The following CACNA2D3 variants were observed in gnomAD, a reference collection of about 807,000 sequenced individuals.
CACNA2D3 encodes voltage-dependent calcium channel subunit alpha-2/delta-3.
CACNA2D3 carries 60 observed loss-of-function variants against 160.6 expected under a neutral mutation model. The ratio of observed to expected loss-of-function variants is 0.37; its 90% CI spans 0.30 to 0.46. CACNA2D3 has a LOEUF of 0.46. Ranked by LOEUF, CACNA2D3 falls within the 20% of genes least tolerant of loss-of-function variation. CACNA2D3 has a pLI of 1.00. For missense variants in CACNA2D3, 1,205 were observed against 1,365.0 expected, an observed-to-expected ratio of 0.88 and a Z score of 1.85; for synonymous variants, 558 against 492.9, an observed-to-expected ratio of 1.13 and a Z score of -1.75.
At chr3:54,812,193 C>T (rs1575489992) in intron 13 of CACNA2D3, among the ~76,000 whole-genome samples, 2 of 152,184 alleles carry the variant, frequency 1.3e-5, no homozygotes, top group East Asian at 1.9e-4. Context: ...ATGCATACCT[C>T]ATTGGCCACG....
At chr3:55,008,396 A>G (rs1703142258) in intron 33 of CACNA2D3, among the ~76,000 whole-genome samples, 1 of 152,226 alleles carries the variant, frequency 6.6e-6, no homozygotes, top group African/African-American at 2.4e-5. Flanking sequence ...ACTAGATATT[A>G]GACACATTAC....
In CACNA2D3 at chr3:54,122,743, G is replaced by C; in HGVS notation, c.30G>C (p.Ala10=). 1 of 1,217,012 alleles carries C rather than the reference G, an allele frequency of 8.2e-7. No homozygotes were observed. Among genetic ancestry groups the C allele is most frequent in the East Asian group, 3.3e-5 (1 of 30,324 alleles). 75.4% of individuals were successfully genotyped at this position (1,217,012 alleles called of 1,614,324 possible). The change falls in exon 1 of 38, where the codon GCG becomes GCC. Residue 10 remains alanine, a synonymous_variant. Transcript: ENST00000474759. The part of the protein sequence containing the change: MAGPGSPRR[A]SRGASALLAA... ...CCGGGCCGGGCTCGCCGCGCCGCGCGTCCCGGGGGGCCTCGGCGCTTCTCG... is the reference window on the plus strand; with the variant it reads ...CCGGGCCGGGCTCGCCGCGCCGCGCCTCCCGGGGGGCCTCGGCGCTTCTCG...
At chr3:54,327,464 G>A (rs1266860978) in intron 3 of CACNA2D3, among the ~76,000 whole-genome samples, 1 of 152,126 alleles carries the variant, frequency 6.6e-6, no homozygotes, top group Non-Finnish European at 1.5e-5. Flanking sequence ...TTCTTTGTGG[G>A]TAGAACCATT....
At chr3:54,554,191 C>T (rs1229913035) in intron 5 of CACNA2D3, among the ~76,000 whole-genome samples, 1 of 152,138 alleles carries the variant, frequency 6.6e-6, no homozygotes, top group African/African-American at 2.4e-5. Flanking sequence ...CTTTGACCAC[C>T]CAATTTGGGT....
intron 2 of CACNA2D3, among the ~76,000 whole-genome samples, chr3:54,207,100 T>C (rs1701288827): frequency 1.3e-5 from 2 of 152,348 alleles, no homozygotes; most frequent in South Asian, 4.1e-4. Context: ...AATCCCTTCA[T>C]CTGGCCTTAA....
chr3:54,727,315 T>A (rs1362243095), intron 11 of CACNA2D3, among the ~76,000 whole-genome samples: 2 of 152,152 alleles, frequency 1.3e-5, no homozygotes, highest in Non-Finnish European at 2.9e-5. Context: ...GGTGGGAGTG[T>A]AAATTAGTTT....
chr3:55,010,914 T>G, intron 34 of CACNA2D3, among the ~76,000 whole-genome samples: 1 of 152,242 alleles, frequency 6.6e-6, no homozygotes, highest in South Asian at 2.1e-4. Flanking sequence ...GAGCTGTGTC[T>G]TAAACATTGT....
intron 34 of CACNA2D3, among the ~76,000 whole-genome samples, chr3:55,015,359 TAAC>T (rs1200758283): frequency 6.6e-6 from 1 of 152,224 alleles, no homozygotes; most frequent in Non-Finnish European, 1.5e-5. Flanking sequence ...GCAAAACAGA[TAAC>T]AACTGTTCAT....
intron 27 of CACNA2D3, among the ~76,000 whole-genome samples, chr3:54,940,260 A>C (rs1180629048): frequency 6.6e-6 from 1 of 152,188 alleles, no homozygotes; most frequent in African/African-American, 2.4e-5. Context: ...ACTATTTTCT[A>C]CTTATCCTTG....
intron 17 of CACNA2D3, among the ~76,000 whole-genome samples, chr3:54,861,944 C>T (rs1699299759): frequency 6.6e-6 from 1 of 152,166 alleles, no homozygotes; most frequent in African/African-American, 2.4e-5. Context: ...TTATTCAGAC[C>T]AGCATGCATC....
chr3:55,065,949 T>C (rs1387060555), intron 35 of CACNA2D3, among the ~76,000 whole-genome samples: 2 of 152,300 alleles, frequency 1.3e-5, no homozygotes, highest in African/African-American at 4.8e-5. Context: ...GAGAAAATAT[T>C]TGTGTATTTC....
chr3:54,849,557 A>G (rs975570990), intron 17 of CACNA2D3, among the ~76,000 whole-genome samples: 4 of 152,196 alleles, frequency 2.6e-5, no homozygotes, highest in African/African-American at 9.7e-5. Context: ...CCATAAATCC[A>G]TCCTGGCCAG....
chr3:54,514,124 A>T (rs1701505995), intron 5 of CACNA2D3, among the ~76,000 whole-genome samples: 1 of 152,230 alleles, frequency 6.6e-6, no homozygotes, highest in Non-Finnish European at 1.5e-5. Context: ...TCTTCCCTTT[A>T]TGAAAATAAT....
chr3:55,059,556 G>A lies in CACNA2D3; in HGVS notation c.2988-13889G>A, dbSNP rs778426125. Reference sequence around the variant, plus strand: ...GGACACTTTTGGGCTCCAGCCCCACGGTGGCAACTAAGGTTGTGTGGCTGA... The same window carrying A: ...GGACACTTTTGGGCTCCAGCCCCACAGTGGCAACTAAGGTTGTGTGGCTGA... On this transcript the variant is annotated intron_variant, in intron 35 of 37. Coordinates refer to ENST00000474759, the MANE Select transcript of CACNA2D3 (RefSeq NM_018398.3). Among the ~76,000 whole-genome samples, 10 of 152,096 alleles carry A rather than the reference G, an allele frequency of 6.6e-5. No individual in the cohort carries two copies. In the South Asian group the frequency reaches 8.3e-4, roughly 13 times the overall value.
intron 8 of CACNA2D3, among the ~76,000 whole-genome samples, chr3:54,578,096 A>G (rs1424296799): frequency 6.6e-6 from 1 of 152,188 alleles, no homozygotes; most frequent in Non-Finnish European, 1.5e-5. Context: ...TTTCCCAGAA[A>G]TTTGCAAGAA....
intron 2 of CACNA2D3, among the ~76,000 whole-genome samples, chr3:54,300,492 C>T (rs542957828): frequency 1.3e-5 from 2 of 152,300 alleles, no homozygotes; most frequent in African/African-American, 4.8e-5. Context: ...TGCTGCTGAA[C>T]GGAGAGGGGT....
At chr3:54,758,300 A>G (rs545754710) in intron 12 of CACNA2D3, among the ~76,000 whole-genome samples, 39 of 152,262 alleles carry the variant, frequency 2.6e-4, no homozygotes, top group African/African-American at 8.4e-4. Context: ...ACATGGAGTT[A>G]GAAATTAAAA....
intron 14 of CACNA2D3, among the ~76,000 whole-genome samples, chr3:54,836,254 GGA>G (rs1698682301): frequency 7.4e-6 from 1 of 135,184 alleles, no homozygotes; most frequent in African/African-American, 2.8e-5. Flanking sequence ...TTTTGTTTTG[GGA>G]GAGAGTCTCG....
At chr3:55,004,369 G>A (rs1396204146) in intron 31 of CACNA2D3, among the ~76,000 whole-genome samples, 1 of 152,168 alleles carries the variant, frequency 6.6e-6, no homozygotes, top group African/African-American at 2.4e-5. Context: ...GTTCTTCTTA[G>A]TTCTCCTGTC....
Sources: gnomAD v4.1 joint callset for allele counts (sites outside exome capture counted in the v4.1 genomes callset) on GRCh38, gnomAD v4.1.1 for gene constraint, MANE v1.5 for transcripts, NCBI Gene and HGNC (gene_info 2026-07-23, HGNC 2026-07-21) for gene names.